SEPTIN6: variants seen among roughly 807,000 people sequenced by gnomAD.
The protein encoded by SEPTIN6 is septin-6.
Under a neutral mutation model 33.6 loss-of-function variants are expected in SEPTIN6, and 8 were observed. That is an observed-to-expected ratio of 0.24 (90% CI 0.14 to 0.43). SEPTIN6 has a LOEUF of 0.43. SEPTIN6 is among the 20% of genes least tolerant of loss of function. The pLI is 1.00. For synonymous variants in SEPTIN6, 131 were observed against 140.0 expected (o/e 0.94, Z 0.45); for missense variants, 250 against 340.8 (o/e 0.73, Z 2.10).
At chrX:119,690,856 C>T (rs1393162104) in intron 1 of SEPTIN6, among the ~76,000 whole-genome samples, 2 of 110,756 alleles carry the variant, frequency 1.8e-5, no homozygotes, top group Non-Finnish European at 3.8e-5. Context: ...CCAAGGTCTC[C>T]TGAGTTAACT....
At chrX:119,622,027 C>T (rs769560853) in intron 10 of SEPTIN6, among the ~76,000 whole-genome samples, 1 of 94,614 alleles carries the variant, frequency 1.1e-5, no homozygotes, top group African/African-American at 3.4e-5. Flanking sequence ...ATACAAAAGA[C>T]AAAAACAAAA....
chrX:119,678,447 G>C (rs1569442514), intron 1 of SEPTIN6, among the ~76,000 whole-genome samples: 2 of 109,451 alleles, frequency 1.8e-5, no homozygotes, highest in South Asian at 4.0e-4. Context: ...GTGAACCTGG[G>C]AGGCTGAGCT....
At chrX:119,645,500 C>T (rs1479987905) in intron 5 of SEPTIN6, among the ~76,000 whole-genome samples, 7 of 109,628 alleles carry the variant, frequency 6.4e-5, no homozygotes, top group African/African-American at 1.7e-4. Flanking sequence ...TGGGTTCAAG[C>T]GATCCTCCTG....
chrX:119,690,380 C>T, intron 1 of SEPTIN6, among the ~76,000 whole-genome samples: 1 of 109,399 alleles, frequency 9.1e-6, no homozygotes, highest in Non-Finnish European at 1.9e-5. Context: ...CACACACACA[C>T]ACACACACTA....
Position 119,686,514 on chromosome X carries a change from C to A in SEPTIN6, c.30+6562G>T, listed in dbSNP as rs991756853. ...CGCTGCATAATTCAGCAGATGGCTGCCTCTAATGAGAAGACACTGAAGAAG... is the reference window on the plus strand; with the variant it reads ...CGCTGCATAATTCAGCAGATGGCTGACTCTAATGAGAAGACACTGAAGAAG... On this transcript the variant is annotated intron_variant, in intron 1 of 10. Coordinates refer to ENST00000394610, the MANE Select transcript of SEPTIN6 (RefSeq NM_145799.4). 4.0e-6 allele frequency: 3 copies of A among 741,054 alleles called. No homozygotes were observed. In the African/African-American group the frequency reaches 6.6e-5, roughly 16 times the overall value. 61.1% of individuals were successfully genotyped at this position (741,054 alleles called of 1,213,427 possible).
chrX:119,672,356 A>T (rs2054763848), intron 2 of SEPTIN6, among the ~76,000 whole-genome samples: 1 of 111,732 alleles, frequency 8.9e-6, no homozygotes, highest in Admixed American at 9.5e-5. Flanking sequence ...TCTAGGTGGA[A>T]ACTAGAGGAT....
chrX:119,625,365 A>G lies in SEPTIN6; in HGVS notation c.*11T>C, dbSNP rs756259230. ...CCCTGGGTCTCATGCAGCATGCAGC[A>G]AACAGCAGAGTTAACTGTAAAACAG... is the stretch of plus-strand genomic sequence containing the variant. On this transcript the variant is annotated 3_prime_UTR_variant, in exon 10 of 11. Transcript: ENST00000394610. 4.1e-6 allele frequency: 5 copies of G among 1,207,162 alleles called. No homozygotes were observed. The South Asian group carries it at 7.0e-5, about 17-fold the overall frequency.
chrX:119,642,888 G>A (rs781481822), intron 5 of SEPTIN6, among the ~76,000 whole-genome samples: 26 of 110,663 alleles, frequency 2.3e-4, no homozygotes, highest in Admixed American at 2.3e-3. Flanking sequence ...GACACCCTCC[G>A]ACCCCTCCCC....
rs2053699291 is a variant in SEPTIN6, at chrX:119,618,403, TTC to T, written c.*1688_*1689del. The T allele has an allele frequency of 1.2e-6, 1 of 839,756 alleles. No individual in the cohort carries two copies. The highest frequency in any genetic ancestry group is 1.4e-6 in the Non-Finnish European group (1 of 693,424). 69.2% of individuals were successfully genotyped at this position (839,756 alleles called of 1,213,427 possible). A position where few individuals can be genotyped will look rare whatever the true frequency, so the allele number is the denominator to read the frequency against. The stretch of plus-strand genomic sequence containing the variant: ...GTGCATATGTTTGCTTTTCATTTTT[TTC>T]TTTTTGCTTCCTATTATGATCTATA... On this transcript the variant is annotated 3_prime_UTR_variant, in exon 11 of 11. Coordinates refer to ENST00000394610, the MANE Select transcript of SEPTIN6 (RefSeq NM_145799.4).
chrX:119,618,216 T>C lies in SEPTIN6; in HGVS notation c.*1877A>G. ...TGGTTTGTTTCTACCTCCAAGCATA[T>C]GGTCTTCAAAAAAATACTCCACTGT... On this transcript the variant is annotated 3_prime_UTR_variant, in exon 11 of 11. Coordinates refer to ENST00000394610, the MANE Select transcript of SEPTIN6 (RefSeq NM_145799.4). The C allele has an allele frequency of 1.3e-6, 1 of 797,396 alleles. No homozygotes were observed. The highest frequency in any genetic ancestry group is 1.5e-6 in the Non-Finnish European group (1 of 667,192). The allele number at this position is 797,396 out of a possible 1,213,427, so 65.7% of individuals were successfully genotyped here.
chrX:119,646,827 C>A (rs375057002), intron 5 of SEPTIN6: 14 of 284,820 alleles, frequency 4.9e-5, no homozygotes, highest in African/African-American at 3.8e-4. Context: ...TCCTACCACC[C>A]AAGCCCAGGT....
intron 1 of SEPTIN6, among the ~76,000 whole-genome samples, chrX:119,692,467 G>A (rs963417819): frequency 2.7e-5 from 3 of 111,491 alleles, no homozygotes; most frequent in Non-Finnish European, 5.7e-5. Context: ...CCCCGGCGCC[G>A]CCGCCGCCCG....
At chrX:119,655,972 A>G (rs756324022) in intron 3 of SEPTIN6, among the ~76,000 whole-genome samples, 4 of 112,373 alleles carry the variant, frequency 3.6e-5, no homozygotes, top group Non-Finnish European at 7.5e-5. Context: ...TAAATAGCTC[A>G]AAATAGCATT....
intron 9 of SEPTIN6, among the ~76,000 whole-genome samples, chrX:119,625,631 C>G (rs901291131): frequency 9.2e-6 from 1 of 108,805 alleles, no homozygotes; most frequent in African/African-American, 3.4e-5. Flanking sequence ...CAGCCTCAAC[C>G]TCCCGGGTTC....
intron 5 of SEPTIN6, among the ~76,000 whole-genome samples, chrX:119,644,856 A>T: frequency 9.1e-6 from 1 of 109,700 alleles, no homozygotes; most frequent in South Asian, 3.9e-4. Flanking sequence ...ATCTCAAAAA[A>T]AAAGGGCCTT....
intron 2 of SEPTIN6, among the ~76,000 whole-genome samples, chrX:119,674,290 C>T (rs2054803234): frequency 2.7e-5 from 3 of 110,345 alleles, no homozygotes; most frequent in Non-Finnish European, 1.9e-5. Flanking sequence ...TCTCCTGCCT[C>T]AGCCTCCCAA....
chrX:119,617,991 G>A lies in SEPTIN6; in HGVS notation c.*2102C>T, dbSNP rs759854476. ...TTTGTAATGCAAATAATTACCGGGC[G>A]GCGGTGTGGGGAAGTGGTGGTTACC... On this transcript the variant is annotated 3_prime_UTR_variant, in exon 11 of 11. Coordinates refer to ENST00000394610, the MANE Select transcript of SEPTIN6 (RefSeq NM_145799.4). 73 of 800,713 alleles carry A rather than the reference G, an allele frequency of 9.1e-5. No homozygotes were observed. In the South Asian group the frequency reaches 2.3e-3, roughly 26 times the overall value. The allele number at this position is 800,713 out of a possible 1,213,427, so 66.0% of individuals were successfully genotyped here. A position where few individuals can be genotyped will look rare whatever the true frequency, so the allele number is the denominator to read the frequency against.
Position 119,693,089 on chromosome X carries a change from A to G in SEPTIN6, c.17T>C (p.Ile6Thr). 5 of 1,172,689 alleles carry G rather than the reference A, an allele frequency of 4.3e-6. No individual in the cohort carries two copies. In the South Asian group the frequency reaches 5.7e-5, roughly 13 times the overall value. Reference sequence around the variant, plus strand: ...CTCTGCACTTACCACCTGGCGAGCTATATCGGTCGCTGCCATCGCTCCTGC... The same window carrying G: ...CTCTGCACTTACCACCTGGCGAGCTGTATCGGTCGCTGCCATCGCTCCTGC... MAATD[I>T]ARQVGEGCRT... Residue 6 changes from isoleucine to threonine, a missense_variant, in exon 1 of 11, where the codon ATA (isoleucine) becomes ACA (threonine). Physicochemically the swap from Ile to Thr is moderately conservative, Grantham distance 89. This residue lies in a region of SEPTIN6 where 111 missense variants were observed against 113.8 expected (regional missense o/e 0.98). Transcript: ENST00000394610.
intron 5 of SEPTIN6, among the ~76,000 whole-genome samples, chrX:119,642,074 A>G (rs1006912063): frequency 3.7e-5 from 4 of 109,193 alleles, no homozygotes; most frequent in African/African-American, 1.3e-4. Context: ...CATCTCAACA[A>G]CGATCATACA....
Sources: allele counts gnomAD v4.1 joint callset (sites outside exome capture counted in the v4.1 genomes callset), GRCh38; gene constraint gnomAD v4.1.1; regional missense constraint gnomAD v4.1.1; transcripts MANE v1.5; gene names NCBI Gene and HGNC (gene_info 2026-07-23, HGNC 2026-07-21).